UBE2D1: variants seen among roughly 807,000 people sequenced by gnomAD.
UBE2D1 encodes the protein ubiquitin-conjugating enzyme E2 D1.
Under a neutral mutation model 24.6 loss-of-function variants are expected in UBE2D1, and 9 were observed. The observed-to-expected ratio is 0.37, with a 90% confidence interval of 0.22 to 0.64. The LOEUF (loss-of-function observed/expected upper bound fraction) is 0.64, where lower values mean the gene tolerates loss of function less well. Ranked by LOEUF, UBE2D1 falls within the 30% of genes least tolerant of loss-of-function variation. The probability of loss-of-function intolerance (pLI) is 0.64; values close to 1 mark genes in which losing one functional copy is unlikely to be tolerated. For missense variants in UBE2D1, 87 were observed against 177.1 expected, an observed-to-expected ratio of 0.49 and a Z score of 2.89; for synonymous variants, 57 against 57.6, an observed-to-expected ratio of 0.99 and a Z score of 0.04.
chr10:58,349,761 A>C (rs1464482750), intron 1 of UBE2D1, among the ~76,000 whole-genome samples: 1 of 152,200 alleles, frequency 6.6e-6, no homozygotes, highest in East Asian at 1.9e-4. Context: ...CCAGCTCAAG[A>C]AATAGTATTA....
At chr10:58,336,029 A>T (rs551716653) in intron 1 of UBE2D1, among the ~76,000 whole-genome samples, 1 of 152,338 alleles carries the variant, frequency 6.6e-6, no homozygotes, top group East Asian at 1.9e-4. Context: ...GTATAGAATG[A>T]GGAAGAAATA....
At chr10:58,345,688 A>G (rs1840008052) in intron 1 of UBE2D1, among the ~76,000 whole-genome samples, 1 of 152,204 alleles carries the variant, frequency 6.6e-6, no homozygotes, top group South Asian at 2.1e-4. Context: ...GGAGTCAAAG[A>G]TGGGAGAGGC....
At chr10:58,335,379 G>A (rs117464571) in intron 1 of UBE2D1, among the ~76,000 whole-genome samples, 154 bp downstream of exon 1, 3,210 of 152,322 alleles carry the variant, frequency 0.021, 51 homozygotes, top group Middle Eastern at 0.078. Flanking sequence ...CGGGCCAGCG[G>A]GCATCGGACA....
intron 4 of UBE2D1, 198 bp from the exon 5 acceptor site, chr10:58,364,573 C>G (rs1840235848): frequency 2.0e-6 from 1 of 500,324 alleles, no homozygotes; most frequent in African/African-American, 2.0e-5. Flanking sequence ...AGGAAGCTGA[C>G]TTGTTTGTGT....
At chr10:58,347,349 C>T (rs933357416) in intron 1 of UBE2D1, among the ~76,000 whole-genome samples, 1 of 152,254 alleles carries the variant, frequency 6.6e-6, no homozygotes, top group African/African-American at 2.4e-5. Context: ...TACTGTAAGC[C>T]TTCATAAAAC....
At position 58,368,031 on chromosome 10, in the gene UBE2D1, AT is replaced by A; in HGVS notation, c.398+19del. ...GACAAAGAAAAGTAAGTGTTTACTT[AT>A]TTTAGTTTCTGTATGGATACATTCC... On this transcript the variant is annotated intron_variant, in intron 6 of 6. Coordinates refer to ENST00000373910, the MANE Select transcript of UBE2D1 (RefSeq NM_003338.5). 1 of 1,579,322 alleles carries A rather than the reference AT, an allele frequency of 6.3e-7. No individual in the cohort carries two copies. The highest frequency in any genetic ancestry group is 8.7e-7 in the Non-Finnish European group (1 of 1,150,738).
intron 1 of UBE2D1, among the ~76,000 whole-genome samples, chr10:58,347,075 G>T (rs1963927): frequency 0.45 from 68,531 of 151,922 alleles, 15,784 homozygotes; most frequent in African/African-American, 0.56. Flanking sequence ...CAGATATTAA[G>T]ATTGTCTGCC....
At chr10:58,350,280 C>T (rs77184175) in intron 1 of UBE2D1, among the ~76,000 whole-genome samples, 1 of 152,138 alleles carries the variant, frequency 6.6e-6, no homozygotes, top group Non-Finnish European at 1.5e-5. Flanking sequence ...AACACTTGTA[C>T]TCTCTTCTAT....
Position 58,364,806 on chromosome 10 carries a change from A to G in UBE2D1, c.234A>G (p.Ile78Met), listed in dbSNP as rs759631902. ...CAACAAAAATTTACCATCCAAACATAAACAGTAATGGAAGTATTTGTCTCG... is the reference window on the plus strand; with the variant it reads ...CAACAAAAATTTACCATCCAAACATGAACAGTAATGGAAGTATTTGTCTCG... ...AFTTKIYHPN[I>M]NSNGSICLDI... The change falls in exon 5 of 7, where the codon ATA becomes ATG. Residue 78 changes from isoleucine (I) to methionine (M), a missense_variant. Physicochemically the swap from Ile to Met is conservative, Grantham distance 10. Transcript: ENST00000373910. 6.2e-7 allele frequency: 1 copy of G among 1,613,680 alleles called. No homozygotes were observed. Among genetic ancestry groups the G allele is most frequent in the Non-Finnish European group, 8.5e-7 (1 of 1,179,814 alleles).
chr10:58,353,928 A>G (rs1801801792), intron 1 of UBE2D1, among the ~76,000 whole-genome samples: 2 of 152,226 alleles, frequency 1.3e-5, no homozygotes, highest in African/African-American at 2.4e-5. Flanking sequence ...GCTGATTCAA[A>G]TAATACCAAA....
At chr10:58,357,452 A>C (rs1211990403) in intron 1 of UBE2D1, among the ~76,000 whole-genome samples, 2 of 152,162 alleles carry the variant, frequency 1.3e-5, no homozygotes, top group Non-Finnish European at 2.9e-5. Context: ...CTAAAAGTAC[A>C]CTGGCTGCTG....
intron 1 of UBE2D1, among the ~76,000 whole-genome samples, chr10:58,346,744 A>G (rs536150111): frequency 1.3e-5 from 2 of 152,290 alleles, no homozygotes; most frequent in Admixed American, 6.5e-5. Context: ...GGTGAATGGA[A>G]AACATCGAAG....
At chr10:58,358,723 T>A (rs1840159871) in intron 1 of UBE2D1, among the ~76,000 whole-genome samples, 1 of 152,140 alleles carries the variant, frequency 6.6e-6, no homozygotes, top group South Asian at 2.1e-4. Flanking sequence ...CCCAGCATAG[T>A]TAAGTCAAAG....
In UBE2D1 at chr10:58,347,152, C is replaced by T. The variant is rs552629896; in HGVS notation, c.24+11927C>T. 9.8e-5 allele frequency among the ~76,000 whole-genome samples: 15 copies of T among 152,322 alleles called. No homozygotes were observed. In the South Asian group the frequency reaches 2.3e-3, roughly 23 times the overall value. ...CTGGCTTATATCAGACTCTTCTACA[C>T]GTTGGACCTCAGCTGTCCTATTTGA... On this transcript the variant is annotated intron_variant, in intron 1 of 6. Transcript: ENST00000373910.
At chr10:58,348,569 G>A (rs16912161) in intron 1 of UBE2D1, among the ~76,000 whole-genome samples, 2 of 152,046 alleles carry the variant, frequency 1.3e-5, no homozygotes, top group African/African-American at 2.4e-5. Context: ...TAAGTCAGCC[G>A]CTTGCATGGA....
intron 1 of UBE2D1, among the ~76,000 whole-genome samples, chr10:58,353,766 A>G (rs550405362): frequency 6.6e-6 from 1 of 152,240 alleles, no homozygotes. Flanking sequence ...GCACTATTCT[A>G]ACACCTGTTA....
chr10:58,364,796 A>G lies in UBE2D1; in HGVS notation c.224A>G (p.His75Arg), dbSNP rs1198639734. 1.2e-6 allele frequency: 2 copies of G among 1,613,334 alleles called. No individual in the cohort carries two copies. Among genetic ancestry groups the G allele is most frequent in the African/African-American group, 1.3e-5 (1 of 74,916 alleles). The change falls in exon 5 of 7, where the codon CAT (histidine) becomes CGT (arginine). Residue 75 changes from histidine (H) to arginine (R), a missense_variant. Coordinates refer to ENST00000373910, the MANE Select transcript of UBE2D1 (RefSeq NM_003338.5). Reference protein sequence around the residue: ...PKIAFTTKIYHPNINSNGSIC... With the variant: ...PKIAFTTKIYRPNINSNGSIC... Reference sequence around the variant, plus strand: ...ATTGCTTTCACAACAAAAATTTACCATCCAAACATAAACAGTAATGGAAGT... The same window carrying G: ...ATTGCTTTCACAACAAAAATTTACCGTCCAAACATAAACAGTAATGGAAGT...
At chr10:58,345,008 G>A (rs1840000872) in intron 1 of UBE2D1, among the ~76,000 whole-genome samples, 1 of 151,910 alleles carries the variant, frequency 6.6e-6, no homozygotes, top group Non-Finnish European at 1.5e-5. Flanking sequence ...GGGTCTACAG[G>A]TGTGCACTAC....
chr10:58,342,456 C>G (rs909133346), intron 1 of UBE2D1, among the ~76,000 whole-genome samples: 2 of 151,926 alleles, frequency 1.3e-5, no homozygotes, highest in African/African-American at 4.8e-5. Context: ...AGGTGGCCAC[C>G]CTCCTTATGC....
Sources: allele counts gnomAD v4.1 joint callset (sites outside exome capture counted in the v4.1 genomes callset), GRCh38; gene constraint gnomAD v4.1.1; transcripts MANE v1.5; gene names NCBI Gene and HGNC (gene_info 2026-07-23, HGNC 2026-07-21).